TNNI3K: variants seen among roughly 807,000 people sequenced by gnomAD.
TNNI3K encodes the protein TNNI3 interacting kinase.
Under a neutral mutation model 114.5 loss-of-function variants are expected in TNNI3K, and 140 were observed. That is an observed-to-expected ratio of 1.22 (90% CI 1.07 to 1.41). The LOEUF (loss-of-function observed/expected upper bound fraction) is 1.41. TNNI3K is among the 40% of genes most tolerant of loss of function. The pLI is 0.00. For missense variants in TNNI3K, 1,125 were observed against 1,007.6 expected, an observed-to-expected ratio of 1.12 and a Z score of -1.58; for synonymous variants, 347 against 347.5, an observed-to-expected ratio of 1.00 and a Z score of 0.02.
intron 4 of TNNI3K, 61 bp downstream of exon 4, chr1:74,250,830 G>GA: frequency 5.9e-6 from 6 of 1,025,346 alleles, no homozygotes; most frequent in Non-Finnish European, 7.8e-6. Context: ...GTATCTTTAG[G>GA]CTTTTTTTTT....
chr1:74,471,113 T>C (rs772930860), intron 21 of TNNI3K: 1 of 400,658 alleles, frequency 2.5e-6, no homozygotes, highest in Non-Finnish European at 4.4e-6. Flanking sequence ...AATTTTGATG[T>C]GTTTCCATCA....
At chr1:74,543,773 C>G in intron 24 of TNNI3K, 133 bp from the exon 25 acceptor site, 1 of 948,926 alleles carries the variant, frequency 1.1e-6, no homozygotes, top group South Asian at 1.5e-5. Context: ...TTTGCAACTA[C>G]TCACCAGCAA....
intron 2 of TNNI3K, among the ~76,000 whole-genome samples, chr1:74,239,796 A>G (rs549981410): frequency 1.3e-5 from 2 of 152,322 alleles, no homozygotes; most frequent in East Asian, 3.9e-4. Context: ...ATAGTGCTAA[A>G]TGTAAGACAG....
At chr1:74,352,582 C>G (rs1051618016) in intron 9 of TNNI3K, among the ~76,000 whole-genome samples, 1 of 152,228 alleles carries the variant, frequency 6.6e-6, no homozygotes, top group Non-Finnish European at 1.5e-5. Context: ...CCTACAGAGG[C>G]AGGCAGGCCT....
At chr1:74,425,671 T>C (rs1665602339) in intron 17 of TNNI3K, among the ~76,000 whole-genome samples, 1 of 152,020 alleles carries the variant, frequency 6.6e-6, no homozygotes, top group African/African-American at 2.4e-5. Flanking sequence ...TGGAAACAAA[T>C]ACTATGAAAG....
rs375901208 is a variant in TNNI3K, at chr1:74,543,034, C to G, written c.2432-872C>G. ...CCATCTGGTTTGAGAAAGAAAGGCT[C>G]TTTCCTTTTCCTTTTCTTTTTCTTT... On this transcript the variant is annotated intron_variant, in intron 24 of 24. Transcript: ENST00000326637. Among the ~76,000 whole-genome samples, 17 of 133,684 alleles carry G rather than the reference C, an allele frequency of 1.3e-4. No homozygotes were observed. In the East Asian group the frequency reaches 2.7e-3, roughly 21 times the overall value. 87.7% of individuals were successfully genotyped at this position (133,684 alleles called of 152,430 possible).
intron 17 of TNNI3K, among the ~76,000 whole-genome samples, chr1:74,426,592 C>A (rs1030166317): frequency 1.3e-5 from 2 of 151,994 alleles, no homozygotes; most frequent in Non-Finnish European, 2.9e-5. Context: ...ACTCGTCTTT[C>A]GTATAGTTCT....
At chr1:74,297,585 C>G (rs200474395) in intron 5 of TNNI3K, among the ~76,000 whole-genome samples, 1 of 150,258 alleles carries the variant, frequency 6.7e-6, no homozygotes, top group Admixed American at 6.7e-5. Context: ...ATCCATTCAC[C>G]TGTCAATGGA....
chr1:74,534,532 C>T (rs1240437300), intron 23 of TNNI3K, among the ~76,000 whole-genome samples: 1 of 152,102 alleles, frequency 6.6e-6, no homozygotes, highest in Non-Finnish European at 1.5e-5. Flanking sequence ...TAAATGGGGC[C>T]ATTTGGATTC....
intron 17 of TNNI3K, chr1:74,416,303 G>A (rs959654746): frequency 1.0e-6 from 1 of 985,384 alleles, no homozygotes; most frequent in East Asian, 1.1e-4. Context: ...GTATGTCATT[G>A]TAGGCACTAC....
chr1:74,492,150 T>C lies in TNNI3K; in HGVS notation c.2235T>C (p.Ser745=). The change falls in exon 23 of 25, where the codon TCT becomes TCC. Residue 745 remains serine, a synonymous_variant. Transcript: ENST00000326637. Reference sequence around the variant, plus strand: ...GTGGGTCTCTCTCACCTTCTTCTTCTTCTGATTGCCTGGTGAACCGGGGAG... The same window carrying C: ...GTGGGTCTCTCTCACCTTCTTCTTCCTCTGATTGCCTGGTGAACCGGGGAG... The part of the protein sequence containing the change: ...NSSGSLSPSS[S]SDCLVNRGGP... 1 of 1,613,058 alleles carries C rather than the reference T, an allele frequency of 6.2e-7. No homozygotes were observed. The highest frequency in any genetic ancestry group is 1.1e-5 in the South Asian group (1 of 90,938).
At chr1:74,346,939 A>C (rs935027425) in intron 9 of TNNI3K, among the ~76,000 whole-genome samples, 1 of 151,740 alleles carries the variant, frequency 6.6e-6, no homozygotes, top group Non-Finnish European at 1.5e-5. Flanking sequence ...AGTCATATTG[A>C]ATTGGGGCCC....
chr1:74,505,559 T>TC (rs146285449), intron 23 of TNNI3K, among the ~76,000 whole-genome samples: 6,013 of 152,308 alleles, frequency 0.039, 252 homozygotes, highest in African/African-American at 0.11. Context: ...GATTGTTTTT[T>TC]CTTTTTTTCA....
intron 5 of TNNI3K, among the ~76,000 whole-genome samples, chr1:74,286,963 A>G (rs997251084): frequency 6.6e-6 from 1 of 152,118 alleles, no homozygotes; most frequent in African/African-American, 2.4e-5. Flanking sequence ...ATGTGCTCCA[A>G]GAGAACACAG....
chr1:74,372,988 G>A (rs1662693773), intron 17 of TNNI3K: 1 of 151,734 alleles, frequency 6.6e-6, no homozygotes, highest in Non-Finnish European at 1.5e-5. Flanking sequence ...TTATGACAGA[G>A]TCCCAAACTA....
chr1:74,249,664 C>T (rs1654809217), intron 3 of TNNI3K, 120 bp downstream of exon 3: 10 of 848,560 alleles, frequency 1.2e-5, no homozygotes, highest in Non-Finnish European at 1.5e-5. Flanking sequence ...TTCTGCTTTG[C>T]CTTTTCCAAC....
intron 20 of TNNI3K, among the ~76,000 whole-genome samples, chr1:74,452,786 G>A (rs754285269): frequency 1.3e-5 from 2 of 151,952 alleles, no homozygotes; most frequent in Admixed American, 1.3e-4. Context: ...CTGCCTCCCC[G>A]GCCTCCATCT....
chr1:74,324,745 A>G (rs992080929), intron 5 of TNNI3K, among the ~76,000 whole-genome samples: 4 of 152,138 alleles, frequency 2.6e-5, no homozygotes, highest in South Asian at 2.1e-4. Context: ...TTGGGTTCCA[A>G]TAAGGATCCA....
intron 23 of TNNI3K, among the ~76,000 whole-genome samples, chr1:74,515,293 C>T (rs1473525495): frequency 6.6e-6 from 1 of 152,060 alleles, no homozygotes; most frequent in Non-Finnish European, 1.5e-5. Flanking sequence ...AGGTCAGTGC[C>T]CTTCCTGAGG....
Sources: gnomAD v4.1 joint callset for allele counts (sites outside exome capture counted in the v4.1 genomes callset) on GRCh38, gnomAD v4.1.1 for gene constraint, MANE v1.5 for transcripts, NCBI Gene and HGNC (gene_info 2026-07-23, HGNC 2026-07-21) for gene names.